GNB1: variants seen among roughly 807,000 people sequenced by gnomAD.
GNB1 encodes G protein subunit beta 1, also known as guanine nucleotide-binding protein G(I)/G(S)/G(T) subunit beta-1.
A neutral mutation model predicts 42.9 loss-of-function variants in GNB1; 2 were observed. The ratio of observed to expected loss-of-function variants is 0.05; its 90% CI spans 0.02 to 0.15. The LOEUF is 0.15. Ranked by LOEUF, GNB1 falls within the 10% of genes least tolerant of loss-of-function variation. The pLI is 1.00. For missense variants in GNB1, 193 were observed against 462.2 expected (o/e 0.42, Z 5.34); for synonymous variants, 183 against 174.7 (o/e 1.05, Z -0.38).
At chr1:1,851,022 C>A (rs1222848327) in intron 1 of GNB1, among the ~76,000 whole-genome samples, 1 of 152,210 alleles carries the variant, frequency 6.6e-6, no homozygotes, top group African/African-American at 2.4e-5. Context: ...GTAATCCCAG[C>A]ACTTTGGGAG....
chr1:1,881,369 ATCTCCTTAAAACTCTTTCAG>A (rs1436480723), intron 1 of GNB1, among the ~76,000 whole-genome samples: 1 of 151,952 alleles, frequency 6.6e-6, no homozygotes, highest in Admixed American at 6.6e-5. Context: ...CATCAGATCA[ATCTCCTTAAAACTCTTTCAG>A]GGCTTCCTGG....
chr1:1,808,962 T>G (rs1285026475), intron 5 of GNB1, among the ~76,000 whole-genome samples: 1 of 152,154 alleles, frequency 6.6e-6, no homozygotes, highest in African/African-American at 2.4e-5. Flanking sequence ...TTTAACTATT[T>G]CAGCTGTGAA....
At chr1:1,868,209 C>A (rs1346607226) in intron 1 of GNB1, among the ~76,000 whole-genome samples, 5 of 151,956 alleles carry the variant, frequency 3.3e-5, no homozygotes, top group Admixed American at 2.6e-4. Context: ...GAGTTTCGCT[C>A]TTTTTGCCCA....
intron 1 of GNB1, among the ~76,000 whole-genome samples, chr1:1,883,988 C>G (rs1203821330): frequency 1.4e-5 from 2 of 147,956 alleles, no homozygotes; most frequent in Admixed American, 1.3e-4. Context: ...TTTTTTTGAC[C>G]GAGTTTCACT....
intron 2 of GNB1, among the ~76,000 whole-genome samples, chr1:1,836,981 C>T (rs930541070): frequency 2.0e-5 from 3 of 151,586 alleles, no homozygotes; most frequent in Non-Finnish European, 2.9e-5. Context: ...GCCATAGTAC[C>T]TAGCCAAAAT....
At chr1:1,830,390 T>C (rs1050481831) in intron 2 of GNB1, among the ~76,000 whole-genome samples, 1 of 151,574 alleles carries the variant, frequency 6.6e-6, no homozygotes. Flanking sequence ...CCTCTCCGAG[T>C]AGCTGGGACT....
intron 5 of GNB1, among the ~76,000 whole-genome samples, chr1:1,811,104 G>A (rs1018029288): frequency 4.0e-5 from 5 of 124,024 alleles, no homozygotes; most frequent in Non-Finnish European, 8.2e-5. Flanking sequence ...TTCTTTTTTT[G>A]AGATGGAGTC....
At chr1:1,864,842 C>T (rs1340378365) in intron 1 of GNB1, among the ~76,000 whole-genome samples, 1 of 152,234 alleles carries the variant, frequency 6.6e-6, no homozygotes, top group Non-Finnish European at 1.5e-5. Context: ...TCTCCTCTTT[C>T]ACAAAACGTA....
intron 5 of GNB1, among the ~76,000 whole-genome samples, chr1:1,808,642 TTTTGTTTG>T (rs55730045): frequency 1.6e-3 from 248 of 151,376 alleles, no homozygotes; most frequent in Admixed American, 2.6e-3. Context: ...GTTTGTTTGT[TTTTGTTTG>T]TTTGTTTGTT....
chr1:1,836,126 C>A (rs61422524), intron 2 of GNB1, among the ~76,000 whole-genome samples: 63,126 of 151,324 alleles, frequency 0.42, 14,847 homozygotes, highest in Admixed American at 0.55. Context: ...ACAAAAAAAA[C>A]CAACTCTTTT....
At chr1:1,823,914 C>T (rs963097625) in intron 3 of GNB1, among the ~76,000 whole-genome samples, 5 of 152,172 alleles carry the variant, frequency 3.3e-5, no homozygotes, top group African/African-American at 7.2e-5. Flanking sequence ...ACCTAGGCTG[C>T]AGTGCAGTGG....
rs200658451 is a variant in GNB1, at chr1:1,813,476, TCTTA to T, written c.203+2276_203+2279del. Among the ~76,000 whole-genome samples the T allele has an allele frequency of 2.8e-3, 430 of 152,266 alleles. 1 individual carries two copies. Among genetic ancestry groups the T allele is most frequent in the African/African-American group, 9.7e-3 (405 of 41,558 alleles). On this transcript the variant is annotated intron_variant, in intron 5 of 11. Transcript: ENST00000378609. ...ATAACTTTGAATTCACAAAGTATAT[TCTTA>T]CTTATTTACTTATTTATTTAGAGAC...
At chr1:1,848,934 G>A (rs567744567) in intron 1 of GNB1, among the ~76,000 whole-genome samples, 4 of 152,306 alleles carry the variant, frequency 2.6e-5, no homozygotes, top group Admixed American at 6.5e-5. Flanking sequence ...TGGATGTTCC[G>A]GAGTGATAGG....
At chr1:1,881,766 C>A (rs1156720879) in intron 1 of GNB1, among the ~76,000 whole-genome samples, 1 of 152,172 alleles carries the variant, frequency 6.6e-6, no homozygotes, top group African/African-American at 2.4e-5. Context: ...CTCTCCTAGC[C>A]CTTTGGAACT....
rs1465282727 is a variant in GNB1, at chr1:1,785,793, T to C, written c.*1270A>G. The stretch of plus-strand genomic sequence containing the variant: ...CCCTCAGAATCCAACAGCAGTCGTT[T>C]GCAACAGAACTTTTTTTTTTTTAAA... On this transcript the variant is annotated 3_prime_UTR_variant, in exon 12 of 12. Coordinates refer to ENST00000378609, the MANE Select transcript of GNB1 (RefSeq NM_002074.5). 2.6e-6 allele frequency: 1 copy of C among 381,742 alleles called. No individual in the cohort carries two copies. Among genetic ancestry groups the C allele is most frequent in the African/African-American group, 2.1e-5 (1 of 48,022 alleles). 23.6% of individuals were successfully genotyped at this position (381,742 alleles called of 1,614,324 possible). A position where few individuals can be genotyped will look rare whatever the true frequency, so the allele number is the denominator to read the frequency against.
intron 1 of GNB1, among the ~76,000 whole-genome samples, chr1:1,876,492 C>A (rs199832768): frequency 6.8e-6 from 1 of 147,832 alleles, no homozygotes; most frequent in African/African-American, 2.5e-5. Flanking sequence ...CATGTGCACA[C>A]GAGAGAGAGA....
chr1:1,806,429 G>T (rs1445179948), intron 6 of GNB1, 46 bp downstream of exon 6: 1 of 1,149,322 alleles, frequency 8.7e-7, no homozygotes, highest in Non-Finnish European at 1.3e-6. Context: ...TTAAAACCCT[G>T]TTTCCTGGGT....
intron 2 of GNB1, among the ~76,000 whole-genome samples, chr1:1,838,445 TTTTC>T (rs1295588583): frequency 7.1e-6 from 1 of 140,824 alleles, no homozygotes; most frequent in Non-Finnish European, 1.6e-5. Context: ...CTTTTTTTTC[TTTTC>T]TTTTTTTTTT....
intron 1 of GNB1, among the ~76,000 whole-genome samples, chr1:1,883,421 T>G (rs1570761473): frequency 6.6e-6 from 1 of 152,356 alleles, no homozygotes; most frequent in East Asian, 1.9e-4. Flanking sequence ...CCTGAATTAA[T>G]ATTCTTCTGG....
Sources: gnomAD v4.1 joint callset for allele counts (sites outside exome capture counted in the v4.1 genomes callset) on GRCh38, gnomAD v4.1.1 for gene constraint, MANE v1.5 for transcripts, NCBI Gene and HGNC (gene_info 2026-07-23, HGNC 2026-07-21) for gene names.